Variants in MIR2052HG observed in about 807,000 individuals in gnomAD.
The protein encoded by MIR2052HG is MIR2052 host gene.
chr8:74,650,706 T>G (rs1427710381), intron 2 of MIR2052HG, among the ~76,000 whole-genome samples: 1 of 152,132 alleles, frequency 6.6e-6, no homozygotes, highest in African/African-American at 2.4e-5. Flanking sequence ...CAATAGTACC[T>G]GTTGGTGAAT....
chr8:74,694,545 T>A (rs1586915958), intron 2 of MIR2052HG, among the ~76,000 whole-genome samples: 2 of 152,212 alleles, frequency 1.3e-5, no homozygotes, highest in South Asian at 4.1e-4. Context: ...TTCAGAAGGT[T>A]GATTATTAAA....
intron 4 of MIR2052HG, among the ~76,000 whole-genome samples, chr8:74,739,612 T>C (rs1012098359): frequency 6.6e-6 from 1 of 152,128 alleles, no homozygotes; most frequent in African/African-American, 2.4e-5. Flanking sequence ...TCTTCACTGA[T>C]TGAAAAAAAA....
intron 2 of MIR2052HG, among the ~76,000 whole-genome samples, chr8:74,651,031 T>C (rs1808745798): frequency 6.6e-6 from 1 of 152,192 alleles, no homozygotes; most frequent in Non-Finnish European, 1.5e-5. Flanking sequence ...AAAAATGCTT[T>C]TGTTTCCTTT....
chr8:74,630,815 A>C (rs1808501068), intron 2 of MIR2052HG, among the ~76,000 whole-genome samples: 1 of 152,160 alleles, frequency 6.6e-6, no homozygotes, highest in African/African-American at 2.4e-5. Flanking sequence ...TGCCTCTGAC[A>C]CCTCAGCTAC....
intron 1 of MIR2052HG, chr8:74,612,635 C>T (rs1323313175): frequency 3.3e-6 from 1 of 303,212 alleles, no homozygotes; most frequent in East Asian, 8.5e-5. Flanking sequence ...AGAGGAGTAT[C>T]CTTCTAATCA....
chr8:74,749,972 C>A (rs578017281), intron 4 of MIR2052HG, among the ~76,000 whole-genome samples: 1 of 151,982 alleles, frequency 6.6e-6, no homozygotes, highest in African/African-American at 2.4e-5. Flanking sequence ...TGCTCTCTTG[C>A]GTAGACCTTC....
At chr8:74,674,840 T>G (rs907190605) in intron 2 of MIR2052HG, among the ~76,000 whole-genome samples, 1 of 151,918 alleles carries the variant, frequency 6.6e-6, no homozygotes, top group African/African-American at 2.4e-5. Context: ...ACATACTATA[T>G]GTTATATATA....
At chr8:74,752,195 T>C (rs781599375) in intron 4 of MIR2052HG, among the ~76,000 whole-genome samples, 15 of 151,420 alleles carry the variant, frequency 9.9e-5, no homozygotes, top group Non-Finnish European at 2.2e-4. Context: ...GATGGGAGGA[T>C]TTCCTCAGCC....
chr8:74,603,827 T>G, intron 1 of MIR2052HG: 1 of 845,886 alleles, frequency 1.2e-6, no homozygotes, highest in Admixed American at 1.7e-5. Flanking sequence ...TCAGTTGAGT[T>G]GGGTAGCATA....
chr8:74,681,470 C>T (rs1280224340), intron 2 of MIR2052HG, among the ~76,000 whole-genome samples: 1 of 152,034 alleles, frequency 6.6e-6, no homozygotes, highest in Non-Finnish European at 1.5e-5. Context: ...GGTATTAAAG[C>T]AGGGATAGTA....
At chr8:74,646,293 A>G (rs545335200) in intron 2 of MIR2052HG, among the ~76,000 whole-genome samples, 1 of 152,312 alleles carries the variant, frequency 6.6e-6, no homozygotes, top group South Asian at 2.1e-4. Context: ...CTCTGGCTGC[A>G]GTGTGAAGAG....
At chr8:74,714,481 C>G (rs1243564774) in intron 4 of MIR2052HG, among the ~76,000 whole-genome samples, 1 of 152,114 alleles carries the variant, frequency 6.6e-6, no homozygotes, top group Admixed American at 6.5e-5. Context: ...GTATCCAACT[C>G]TATATTAAAT....
At chr8:74,704,621 T>A (rs1388563465) in intron 4 of MIR2052HG, among the ~76,000 whole-genome samples, 2 of 152,048 alleles carry the variant, frequency 1.3e-5, no homozygotes, top group African/African-American at 2.4e-5. Context: ...CTCCTCAGGA[T>A]CCCAAAGTGG....
At chr8:74,641,287 G>A (rs944048554) in intron 2 of MIR2052HG, among the ~76,000 whole-genome samples, 5 of 151,906 alleles carry the variant, frequency 3.3e-5, no homozygotes, top group Admixed American at 6.6e-5. Flanking sequence ...GTGCATTTGC[G>A]GCCATGTACA....
chr8:74,674,020 A>G (rs1437357943), intron 2 of MIR2052HG, among the ~76,000 whole-genome samples: 1 of 150,946 alleles, frequency 6.6e-6, no homozygotes, highest in African/African-American at 2.4e-5. Flanking sequence ...TTAAACAAGC[A>G]ATTAGTCTCC....
intron 4 of MIR2052HG, among the ~76,000 whole-genome samples, chr8:74,747,699 A>G (rs1413513065): frequency 1.3e-5 from 2 of 152,204 alleles, no homozygotes; most frequent in African/African-American, 4.8e-5. Context: ...TACCTAAAGT[A>G]TGTTTCACCA....
chr8:74,720,551 A>G (rs1211388368), intron 4 of MIR2052HG, among the ~76,000 whole-genome samples: 1 of 152,156 alleles, frequency 6.6e-6, no homozygotes, highest in African/African-American at 2.4e-5. Context: ...AGCTTGCATT[A>G]CTTGTGCCAT....
intron 2 of MIR2052HG, among the ~76,000 whole-genome samples, chr8:74,635,244 T>A (rs1808568803): frequency 6.6e-6 from 1 of 151,930 alleles, no homozygotes; most frequent in African/African-American, 2.4e-5. Context: ...AAACAGATTT[T>A]TTTTTTTTTT....
At chr8:74,732,691 G>A (rs183538438) in intron 4 of MIR2052HG, among the ~76,000 whole-genome samples, 1 of 152,206 alleles carries the variant, frequency 6.6e-6, no homozygotes, top group Admixed American at 6.5e-5. Flanking sequence ...CTGAGTAGAT[G>A]AAGTTTATGT....
Sources: gnomAD v4.1 joint callset for allele counts (sites outside exome capture counted in the v4.1 genomes callset) on GRCh38, gnomAD v4.1.1 for gene constraint, MANE v1.5 for transcripts, NCBI Gene and HGNC (gene_info 2026-07-23, HGNC 2026-07-21) for gene names.